Variants in XRN1 observed in about 807,000 individuals in gnomAD.
The protein encoded by XRN1 is strand-exchange protein 1 homolog.
A neutral mutation model predicts 222.3 loss-of-function variants in XRN1; 67 were observed. The ratio of observed to expected loss-of-function variants is 0.30; its 90% CI spans 0.25 to 0.37. The LOEUF (loss-of-function observed/expected upper bound fraction) is 0.37, where lower values mean the gene tolerates loss of function less well. XRN1 is among the 10% of genes least tolerant of loss of function. XRN1 has a pLI of 1.00. For synonymous variants in XRN1, 643 were observed against 652.4 expected, an observed-to-expected ratio of 0.99 and a Z score of 0.22; for missense variants, 1,707 against 2,000.2, an observed-to-expected ratio of 0.85 and a Z score of 2.80.
At chr3:142,395,255 CA>C (rs750711907) in intron 20 of XRN1, among the ~76,000 whole-genome samples, 23 of 152,220 alleles carry the variant, frequency 1.5e-4, no homozygotes, top group South Asian at 1.0e-3. Context: ...GAGATGGTAT[CA>C]GGGGGGAATA....
At chr3:142,355,130 C>T (rs1040258177) in intron 32 of XRN1, among the ~76,000 whole-genome samples, 22 of 151,978 alleles carry the variant, frequency 1.4e-4, no homozygotes, top group African/African-American at 5.1e-4. Flanking sequence ...CTATTGGGTA[C>T]TATGCTCACT....
At chr3:142,386,164 T>C (rs531761006) in intron 20 of XRN1, among the ~76,000 whole-genome samples, 2 of 152,148 alleles carry the variant, frequency 1.3e-5, no homozygotes, top group African/African-American at 4.8e-5. Flanking sequence ...TCTACCACTT[T>C]CACTTAAAAG....
intron 19 of XRN1, 72 bp from the exon 20 acceptor site, chr3:142,397,532 T>C: frequency 1.6e-6 from 2 of 1,252,454 alleles, no homozygotes; most frequent in Non-Finnish European, 1.0e-6. Flanking sequence ...AGTGTGAGTC[T>C]TCCAAATGAA....
chr3:142,392,325 C>CTTTTTTTTTTTTTT (rs58724846), intron 20 of XRN1, among the ~76,000 whole-genome samples: 1 of 143,288 alleles, frequency 7.0e-6, no homozygotes. Flanking sequence ...CCAGCAATTT[C>CTTTTTTTTTTTTTT]TTTTTTTTTT....
intron 33 of XRN1, among the ~76,000 whole-genome samples, chr3:142,344,617 CA>C: frequency 6.6e-6 from 1 of 151,290 alleles, no homozygotes; most frequent in East Asian, 1.9e-4. Context: ...AATGAACAAT[CA>C]AAAAATAAAA....
intron 1 of XRN1, chr3:142,434,945 T>A (rs941388453): frequency 1.3e-5 from 2 of 152,134 alleles, no homozygotes; most frequent in Non-Finnish European, 2.9e-5. Flanking sequence ...CATACAAATA[T>A]TTTTAAACTC....
In XRN1 at chr3:142,327,322, T is replaced by C. The variant is rs1018570768; in HGVS notation, c.4404+2112A>G. Among the ~76,000 whole-genome samples, 16 of 152,256 alleles carry C rather than the reference T, an allele frequency of 1.1e-4. No individual in the cohort carries two copies. The East Asian group carries it at 2.7e-3, about 26-fold the overall frequency. ...AGTTTTGGATTTCTTCATGGTTCAA[T>C]CTTGGTATGTTTTTATGTGTCTCGG... On this transcript the variant is annotated intron_variant, in intron 37 of 40. Coordinates refer to ENST00000392981, the MANE Select transcript of XRN1 (RefSeq NM_001282857.2).
chr3:142,369,544 A>C (rs1355458492), intron 27 of XRN1, among the ~76,000 whole-genome samples: 1 of 151,416 alleles, frequency 6.6e-6, no homozygotes, highest in Non-Finnish European at 1.5e-5. Flanking sequence ...GCTACATGGG[A>C]GGCTGAGGCA....
intron 37 of XRN1, among the ~76,000 whole-genome samples, chr3:142,324,520 A>G (rs1330588995): frequency 6.6e-6 from 1 of 151,808 alleles, no homozygotes; most frequent in African/African-American, 2.4e-5. Flanking sequence ...GTTGGTTCCA[A>G]GTCTTTGCTA....
intron 18 of XRN1, among the ~76,000 whole-genome samples, chr3:142,403,014 T>C (rs1232581476): frequency 1.3e-5 from 2 of 152,228 alleles, no homozygotes; most frequent in Non-Finnish European, 1.5e-5. Context: ...TTGTGCAATT[T>C]AGTTTATTAT....
In XRN1 at chr3:142,400,427, A is replaced by T. The variant is rs750103565; in HGVS notation, c.2207+17T>A. 3 of 1,572,072 alleles carry T rather than the reference A, an allele frequency of 1.9e-6. No homozygotes were observed. Among genetic ancestry groups the T allele is most frequent in the Admixed American group, 1.9e-5 (1 of 54,044 alleles). ...GCAAATATATGTTAGAAAAATTATA[A>T]ATCAAATCTTACTTACTTAGTTTCT... On this transcript the variant is annotated intron_variant, in intron 19 of 40. Coordinates refer to ENST00000392981, the MANE Select transcript of XRN1 (RefSeq NM_001282857.2).
At chr3:142,366,873 C>T (rs2066829524) in intron 27 of XRN1, among the ~76,000 whole-genome samples, 1 of 152,152 alleles carries the variant, frequency 6.6e-6, no homozygotes, top group Non-Finnish European at 1.5e-5. Flanking sequence ...TGGATCAAAA[C>T]TGATTCATCA....
At chr3:142,427,755 G>A (rs375262826) in intron 2 of XRN1, among the ~76,000 whole-genome samples, 14 of 152,168 alleles carry the variant, frequency 9.2e-5, no homozygotes. Context: ...TTGAATATGG[G>A]TGTCCTACTA....
chr3:142,385,175 G>GATC (rs1412591918), intron 20 of XRN1, among the ~76,000 whole-genome samples: 3 of 152,036 alleles, frequency 2.0e-5, no homozygotes. Flanking sequence ...ATACACAAAT[G>GATC]ATCATAGCAC....
chr3:142,383,205 C>T, intron 22 of XRN1, 95 bp downstream of exon 22: 1 of 977,200 alleles, frequency 1.0e-6, no homozygotes, highest in African/African-American at 1.7e-5. Flanking sequence ...TTTTTCCCTT[C>T]ATTATTATAT....
rs552595240 is a variant in XRN1, at chr3:142,380,068, AC to A, written c.2715+13del. 5,308 of 1,597,410 alleles carry A rather than the reference AC, an allele frequency of 3.3e-3. 15 individuals carry two copies. The highest frequency in any genetic ancestry group is 4.1e-3 in the Non-Finnish European group (4,761 of 1,171,582). Reference sequence around the variant, plus strand: ...ATCAATTCTAAATGAAACAATACAAACTACTGTACTCACATGCTGGTTCTGT... The same window carrying A: ...ATCAATTCTAAATGAAACAATACAAATACTGTACTCACATGCTGGTTCTGT... On this transcript the variant is annotated intron_variant, in intron 23 of 40. Transcript: ENST00000392981.
At chr3:142,421,262 G>A (rs991356006) in intron 9 of XRN1, 109 bp from the exon 10 acceptor site, 5 of 1,132,704 alleles carry the variant, frequency 4.4e-6, no homozygotes, top group Non-Finnish European at 2.4e-6. Flanking sequence ...ATTGGAGAAT[G>A]TTACTCTTTT....
At chr3:142,441,264 G>A in intron 1 of XRN1, among the ~76,000 whole-genome samples, 8 of 152,166 alleles carry the variant, frequency 5.3e-5, no homozygotes, top group Admixed American at 5.2e-4. Flanking sequence ...GGATTCCCAG[G>A]TACGGCAAAA....
At chr3:142,416,240 G>A (rs1032112080) in intron 13 of XRN1, among the ~76,000 whole-genome samples, 1 of 152,180 alleles carries the variant, frequency 6.6e-6, no homozygotes. Context: ...GCAGTGGTGC[G>A]ATCTCAGCTC....
Sources: gnomAD v4.1 joint callset for allele counts (sites outside exome capture counted in the v4.1 genomes callset) on GRCh38, gnomAD v4.1.1 for gene constraint, MANE v1.5 for transcripts, NCBI Gene and HGNC (gene_info 2026-07-23, HGNC 2026-07-21) for gene names.